Variants in DCLRE1A observed in about 807,000 individuals in gnomAD.
DCLRE1A encodes the protein DNA cross-link repair 1A protein.
A neutral mutation model predicts 91.9 loss-of-function variants in DCLRE1A; 64 were observed. That is an observed-to-expected ratio of 0.70 (90% confidence interval 0.57 to 0.86). The LOEUF is 0.86. Among genes scored for constraint, DCLRE1A ranks in the 40% least tolerant of loss-of-function variants. The pLI, the probability that DCLRE1A is intolerant of heterozygous loss-of-function variation, is 0.00. For synonymous variants in DCLRE1A, 416 were observed against 431.1 expected, an observed-to-expected ratio of 0.96 and a Z score of 0.43; for missense variants, 1,145 against 1,213.3, an observed-to-expected ratio of 0.94 and a Z score of 0.84.
In DCLRE1A at chr10:113,836,865, GTCTA is replaced by G. The variant is rs17228883; in HGVS notation, c.2962+193_2962+196del. ...AGTGAAATGATCTGTATTCATTAAT[GTCTA>G]TCTACTAGTCAAGCTCCTTTATATC... is the stretch of plus-strand genomic sequence containing the variant. On this transcript the variant is annotated intron_variant, in intron 8 of 8. Coordinates refer to ENST00000361384, the MANE Select transcript of DCLRE1A (RefSeq NM_014881.5). 4.5e-4 allele frequency among the ~76,000 whole-genome samples: 68 copies of G among 152,276 alleles called. 1 individual carries two copies. The highest frequency in any genetic ancestry group is 1.6e-3 in the African/African-American group (65 of 41,540).
In DCLRE1A at chr10:113,853,316, A is replaced by C; in HGVS notation, c.-134T>G. ...AGGTAACAAAACCCCCACCAACTCA[A>C]TGGGAATCTGCAGTGTTGGTAATGA... On this transcript the variant is annotated 5_prime_UTR_variant, in exon 1 of 9. Coordinates refer to ENST00000361384, the MANE Select transcript of DCLRE1A (RefSeq NM_014881.5). 3.7e-6 allele frequency: 3 copies of C among 808,354 alleles called. No individual in the cohort carries two copies. The highest frequency in any genetic ancestry group is 2.0e-5 in the South Asian group (1 of 51,178). 50.1% of individuals were successfully genotyped at this position (808,354 alleles called of 1,614,324 possible).
Position 113,850,325 on chromosome 10 carries a change from T to C in DCLRE1A, c.780A>G (p.Gln260=), listed in dbSNP as rs752139974. The C allele has an allele frequency of 6.2e-7, 1 of 1,614,192 alleles. No homozygotes were observed. The highest frequency in any genetic ancestry group is 1.1e-5 in the South Asian group (1 of 91,082). ...THIQTSQQAL[Q]FTDFVENDKL... is the part of the protein sequence containing the mutation. ...TGTCATTCTCAACAAAATCTGTAAA[T>C]TGTAGAGCTTGTTGGGATGTTTGGA... The change falls in exon 2 of 9, where the codon CAA becomes CAG. Residue 260 remains glutamine, a synonymous_variant. Transcript: ENST00000361384.
At chr10:113,846,164 C>A (rs1309675515) in intron 3 of DCLRE1A, among the ~76,000 whole-genome samples, 1 of 152,134 alleles carries the variant, frequency 6.6e-6, no homozygotes, top group African/African-American at 2.4e-5. Flanking sequence ...GTGCCTGTGC[C>A]TTTACATAAA....
rs1217550371 is a variant in DCLRE1A, at chr10:113,850,302, T to A, written c.803A>T (p.Asp268Val). Reference sequence around the variant, plus strand: ...ACGCAAAGCAACTCCCACTAGTTTGTCATTCTCAACAAAATCTGTAAATTG... The same window carrying A: ...ACGCAAAGCAACTCCCACTAGTTTGACATTCTCAACAAAATCTGTAAATTG... ...ALQFTDFVENDKLVGVALRLA... is the reference protein window; with the variant it reads ...ALQFTDFVENVKLVGVALRLA... Residue 268 changes from aspartate (D) to valine (V), a missense_variant, in exon 2 of 9, where the codon GAC becomes GTC. By Grantham distance (152) the Asp-to-Val change is radical (BLOSUM62 -3). Transcript: ENST00000361384. 1 of 1,614,240 alleles carries A rather than the reference T, an allele frequency of 6.2e-7. No homozygotes were observed. Among genetic ancestry groups the A allele is most frequent in the Non-Finnish European group, 8.5e-7 (1 of 1,180,042 alleles).
In DCLRE1A at chr10:113,849,111, T is replaced by C. The variant is rs375534266; in HGVS notation, c.1994A>G (p.Asn665Ser). The C allele has an allele frequency of 2.5e-6, 4 of 1,614,036 alleles. No homozygotes were observed. The highest frequency in any genetic ancestry group is 1.1e-5 in the South Asian group (1 of 91,092). Residue 665 changes from asparagine (N) to serine (S), a missense_variant, in exon 2 of 9, where the codon AAT becomes AGT. Coordinates refer to ENST00000361384, the MANE Select transcript of DCLRE1A (RefSeq NM_014881.5). ...HLINTESEAV[N>S]LSKVKVFTKS... The stretch of plus-strand genomic sequence containing the variant: ...TGTGAAGACTTTGACTTTACTTAAA[T>C]TGACTGCTTCAGATTCTGTATTAAT...
At position 113,850,575 on chromosome 10, in the gene DCLRE1A, A is replaced by G. The variant is rs1478115035; in HGVS notation, c.530T>C (p.Leu177Pro). Residue 177 changes from leucine (L) to proline (P), a missense_variant, in exon 2 of 9, where the codon CTA becomes CCA. Physicochemically the swap from Leu to Pro is moderately conservative, Grantham distance 98 (BLOSUM62 -3). Transcript: ENST00000361384. Reference protein sequence around the residue: ...FHYKRYTHFLLAQSRAGDHPF... With the variant: ...FHYKRYTHFLPAQSRAGDHPF... Reference sequence around the variant, plus strand: ...ATGATCACCAGCCCTGCTTTGAGCTAGCAGGAAGTGAGTGTATCTCTTGTA... The same window carrying G: ...ATGATCACCAGCCCTGCTTTGAGCTGGCAGGAAGTGAGTGTATCTCTTGTA... 1 of 1,614,172 alleles carries G rather than the reference A, an allele frequency of 6.2e-7. No individual in the cohort carries two copies. The highest frequency in any genetic ancestry group is 2.2e-5 in the East Asian group (1 of 44,886).
rs1320529966 is a variant in DCLRE1A at position 113,840,103 on chromosome 10, G to A, written c.2820+1303C>T. Reference sequence around the variant, plus strand: ...GAGCTCAGGAGTTTGAGATCAGCCTGGTCAACATGGTGAAACCCCATCTCT... The same window carrying A: ...GAGCTCAGGAGTTTGAGATCAGCCTAGTCAACATGGTGAAACCCCATCTCT... On this transcript the variant is annotated intron_variant, in intron 7 of 8. Transcript: ENST00000361384. 5.3e-5 allele frequency among the ~76,000 whole-genome samples: 8 copies of A among 152,170 alleles called. No individual in the cohort carries two copies. In the East Asian group the frequency reaches 1.5e-3, roughly 29 times the overall value.
chr10:113,839,196 G>A (rs889136751), intron 7 of DCLRE1A, among the ~76,000 whole-genome samples: 1 of 151,802 alleles, frequency 6.6e-6, no homozygotes, highest in Non-Finnish European at 1.5e-5. Context: ...ATGGTGGCAG[G>A]TGCCTGTATT....
rs2134667181 is a variant in DCLRE1A, at chr10:113,849,474, T to C, written c.1631A>G (p.Tyr544Cys). The C allele has an allele frequency of 1.2e-6, 2 of 1,614,138 alleles. No homozygotes were observed. Among genetic ancestry groups the C allele is most frequent in the Non-Finnish European group, 1.7e-6 (2 of 1,180,026 alleles). ...CTTGGTAGAAGGATGTCTTGCATTA[T>C]ACTTAAGACCAGAAGGCAATATTTT... is the stretch of plus-strand genomic sequence containing the variant. ...YLKILPSGLK[Y>C]NARHPSTKVM... is the part of the protein sequence containing the mutation. The change falls in exon 2 of 9, where the codon TAT becomes TGT. Residue 544 changes from tyrosine (Y) to cysteine (C), a missense_variant. Transcript: ENST00000361384.
At chr10:113,840,443 A>G (rs975834687) in intron 7 of DCLRE1A, among the ~76,000 whole-genome samples, 7 of 152,202 alleles carry the variant, frequency 4.6e-5, no homozygotes, top group Admixed American at 3.3e-4. Context: ...GTTGTGACGG[A>G]ACTGTCAGAG....
chr10:113,841,526 C>T lies in DCLRE1A; in HGVS notation c.2700G>A (p.Met900Ile). The T allele has an allele frequency of 1.2e-6, 2 of 1,611,672 alleles. No homozygotes were observed. Among genetic ancestry groups the T allele is most frequent in the Non-Finnish European group, 1.7e-6 (2 of 1,179,074 alleles). Reference sequence around the variant, plus strand: ...GTAGAGTTTTATATTTTTCCTGGGACATGCCCACTTTTGAACCTAAAACAT... The same window carrying T: ...GTAGAGTTTTATATTTTTCCTGGGATATGCCCACTTTTGAACCTAAAACAT... ...IADVLGSKVGMSQEKYKTLQC... is the reference protein window; with the variant it reads ...IADVLGSKVGISQEKYKTLQC... Residue 900 changes from methionine to isoleucine, a missense_variant, in exon 7 of 9, where the codon ATG (methionine) becomes ATA (isoleucine). Physicochemically the swap from Met to Ile is conservative, Grantham distance 10. Coordinates refer to ENST00000361384, the MANE Select transcript of DCLRE1A (RefSeq NM_014881.5).
rs368906155 is a variant in DCLRE1A at position 113,849,234 on chromosome 10, A to C, written c.1871T>G (p.Val624Gly). 3.2e-5 allele frequency: 52 copies of C among 1,614,102 alleles called. No homozygotes were observed. In the African/African-American group the frequency reaches 6.7e-4, roughly 21 times the overall value. ...CTGTGACCTCTCACTAGAAAGTTCC[A>C]CAGAAAGCTGACTCTCATGTAAAGT... ...ASTLHESQLS[V>G]ELSSERSQRQ... Residue 624 changes from valine to glycine, a missense_variant, in exon 2 of 9, where the codon GTG becomes GGG. By Grantham distance (109) the Val-to-Gly change is moderately radical. Coordinates refer to ENST00000361384, the MANE Select transcript of DCLRE1A (RefSeq NM_014881.5).
At chr10:113,842,979 C>A (rs1845469952) in intron 5 of DCLRE1A, among the ~76,000 whole-genome samples, 1 of 151,432 alleles carries the variant, frequency 6.6e-6, no homozygotes. Flanking sequence ...TCATTTCTTA[C>A]AGATACAAAA....
At chr10:113,843,577 T>C (rs138797201) in intron 5 of DCLRE1A, among the ~76,000 whole-genome samples, 373 of 152,308 alleles carry the variant, frequency 2.4e-3, no homozygotes, top group African/African-American at 8.5e-3. Context: ...ACCAGAAATA[T>C]ATACAATTTT....
chr10:113,842,546 G>T, intron 5 of DCLRE1A, 58 bp from the exon 6 acceptor site: 1 of 1,516,224 alleles, frequency 6.6e-7, no homozygotes, highest in Non-Finnish European at 8.9e-7. Flanking sequence ...ATCACCTTAA[G>T]CTGGATGCTA....
chr10:113,839,385 CAG>C (rs1845412793), intron 7 of DCLRE1A, among the ~76,000 whole-genome samples: 1 of 131,216 alleles, frequency 7.6e-6, no homozygotes, highest in Non-Finnish European at 1.7e-5. Context: ...AAATGAGGGA[CAG>C]GGGAGGAAAA....
chr10:113,836,746 C>A, intron 8 of DCLRE1A, among the ~76,000 whole-genome samples: 1 of 152,176 alleles, frequency 6.6e-6, no homozygotes. Flanking sequence ...CTTCCCGCTC[C>A]CAATCTCACA....
chr10:113,837,254 A>C lies in DCLRE1A; in HGVS notation c.2821-51T>G, dbSNP rs753637717. 2.6e-6 allele frequency: 4 copies of C among 1,540,718 alleles called. No homozygotes were observed. The East Asian group carries it at 6.8e-5, about 26-fold the overall frequency. ...GGTCAATGGAGACGAGTTATATGGA[A>C]TAAAACAGACTGATTAAAGATGTTA... On this transcript the variant is annotated intron_variant, in intron 7 of 8. Transcript: ENST00000361384.
intron 6 of DCLRE1A, 46 bp downstream of exon 6, chr10:113,842,297 G>A (rs1013938057): frequency 6.8e-7 from 1 of 1,472,012 alleles, no homozygotes; most frequent in Non-Finnish European, 9.2e-7. Flanking sequence ...AAAAGAATCT[G>A]ATCTTTATAA....
Sources: allele counts gnomAD v4.1 joint callset (sites outside exome capture counted in the v4.1 genomes callset), GRCh38; gene constraint gnomAD v4.1.1; transcripts MANE v1.5; gene names NCBI Gene and HGNC (gene_info 2026-07-23, HGNC 2026-07-21).